The following PIBF1 variants were observed in gnomAD, a reference collection of about 807,000 sequenced individuals.
PIBF1 encodes progesterone immunomodulatory binding factor 1.
A neutral mutation model predicts 112.5 loss-of-function variants in PIBF1; 90 were observed. The ratio of observed to expected loss-of-function variants is 0.80; its 90% CI spans 0.67 to 0.95. PIBF1 has a LOEUF of 0.95. Among genes scored for constraint, PIBF1 ranks in the 40% least tolerant of loss-of-function variants. The pLI is 0.00. For synonymous variants in PIBF1, 301 were observed against 288.6 expected (o/e 1.04, Z -0.44); for missense variants, 915 against 852.3 (o/e 1.07, Z -0.92).
chr13:72,976,659 C>T (rs1163525434), intron 16 of PIBF1, among the ~76,000 whole-genome samples: 4 of 152,036 alleles, frequency 2.6e-5, no homozygotes, highest in African/African-American at 4.8e-5. Flanking sequence ...CCATTTACTA[C>T]CAACTTACAT....
chr13:72,972,271 G>A (rs1166653177), intron 15 of PIBF1, among the ~76,000 whole-genome samples: 3 of 151,908 alleles, frequency 2.0e-5, no homozygotes, highest in South Asian at 2.1e-4. Context: ...GGCTCATGCA[G>A]TTCTCCAACC....
chr13:72,928,019 A>G (rs2041574122), intron 13 of PIBF1, among the ~76,000 whole-genome samples: 1 of 61,574 alleles, frequency 1.6e-5, no homozygotes, highest in African/African-American at 7.1e-5. Context: ...ATATATACAT[A>G]TATATACATA....
chr13:72,833,414 C>G (rs529838897), intron 8 of PIBF1, among the ~76,000 whole-genome samples: 1 of 152,230 alleles, frequency 6.6e-6, no homozygotes, highest in East Asian at 1.9e-4. Context: ...ATTTATCTAC[C>G]TTTGGTCTTT....
intron 16 of PIBF1, among the ~76,000 whole-genome samples, chr13:72,997,567 C>G (rs942616288): frequency 1.3e-5 from 2 of 152,174 alleles, no homozygotes; most frequent in African/African-American, 4.8e-5. Flanking sequence ...AGCAACACTG[C>G]TTTAAAATAC....
At chr13:72,828,265 T>G (rs1489409899) in intron 8 of PIBF1, among the ~76,000 whole-genome samples, 1 of 150,796 alleles carries the variant, frequency 6.6e-6, no homozygotes, top group African/African-American at 2.5e-5. Flanking sequence ...GAGATATGTT[T>G]GCTTTTTTTT....
intron 10 of PIBF1, among the ~76,000 whole-genome samples, chr13:72,872,102 A>C (rs541652536): frequency 3.0e-4 from 45 of 152,280 alleles, no homozygotes; most frequent in Admixed American, 2.1e-3. Flanking sequence ...CTTAACCTCT[A>C]TGTCTCAGTT....
chr13:72,800,560 G>A (rs1474362620), intron 5 of PIBF1, among the ~76,000 whole-genome samples: 1 of 152,128 alleles, frequency 6.6e-6, no homozygotes, highest in Non-Finnish European at 1.5e-5. Context: ...GTAAAATAGG[G>A]ACGATAACAT....
At chr13:72,961,289 C>T (rs2042599359) in intron 14 of PIBF1, among the ~76,000 whole-genome samples, 1 of 152,082 alleles carries the variant, frequency 6.6e-6, no homozygotes, top group South Asian at 2.1e-4. Context: ...TCCCACCATG[C>T]TTTCCACTAT....
At chr13:72,973,386 GGAAAA>G in intron 15 of PIBF1, among the ~76,000 whole-genome samples, 200 bp from the exon 16 acceptor site, 1 of 151,862 alleles carries the variant, frequency 6.6e-6, no homozygotes, top group Middle Eastern at 3.4e-3. Flanking sequence ...AAAAAAGAAA[GGAAAA>G]GAAAAGAAAA....
At chr13:73,008,639 A>C (rs1273858928) in intron 17 of PIBF1, among the ~76,000 whole-genome samples, 1 of 152,180 alleles carries the variant, frequency 6.6e-6, no homozygotes, top group African/African-American at 2.4e-5. Flanking sequence ...AAACCGACAA[A>C]CAAAAAAATA....
chr13:72,804,827 G>A (rs2035644194), intron 5 of PIBF1, among the ~76,000 whole-genome samples: 1 of 152,182 alleles, frequency 6.6e-6, no homozygotes, highest in Non-Finnish European at 1.5e-5. Context: ...TCCAGTAAAA[G>A]TGTGTACACT....
chr13:73,005,919 CTTTT>C (rs34315714), intron 17 of PIBF1, among the ~76,000 whole-genome samples: 20 of 132,812 alleles, frequency 1.5e-4, no homozygotes, highest in Non-Finnish European at 2.2e-4. Context: ...TCTGGTTTCA[CTTTT>C]TTTTTTTTTT....
intron 10 of PIBF1, among the ~76,000 whole-genome samples, chr13:72,880,249 A>G (rs1361482509): frequency 6.6e-6 from 1 of 152,186 alleles, no homozygotes; most frequent in Admixed American, 6.5e-5. Context: ...TGGAAGAAAA[A>G]TCAAATTCTG....
In PIBF1 at chr13:72,922,529, G is replaced by C. The variant is rs116405239; in HGVS notation, c.1730+5363G>C. Among the ~76,000 whole-genome samples the C allele has an allele frequency of 2.9e-3, 440 of 152,272 alleles. 2 individuals are homozygous for C. Among genetic ancestry groups the C allele is most frequent in the African/African-American group, 0.01 (426 of 41,556 alleles). ...ACATGGTCTTTGTATATGCCTCTGT[G>C]TTTGTTTTGGCTAATCTGAATGTGG... On this transcript the variant is annotated intron_variant, in intron 13 of 17. Transcript: ENST00000326291.
intron 16 of PIBF1, chr13:72,974,250 G>A (rs1469469361): frequency 2.6e-5 from 4 of 152,114 alleles, no homozygotes; most frequent in African/African-American, 9.7e-5. Flanking sequence ...TTTTTTAGCA[G>A]ACATGTCTGT....
At chr13:72,990,666 G>A (rs1472565375) in intron 16 of PIBF1, among the ~76,000 whole-genome samples, 2 of 151,880 alleles carry the variant, frequency 1.3e-5, no homozygotes, top group Non-Finnish European at 2.9e-5. Flanking sequence ...TGGCCAACTT[G>A]GTGAAACCCC....
chr13:73,008,311 C>T (rs1443889502), intron 17 of PIBF1, among the ~76,000 whole-genome samples: 1 of 152,178 alleles, frequency 6.6e-6, no homozygotes, highest in Non-Finnish European at 1.5e-5. Context: ...CAGGCTGTTG[C>T]TTAGAATCAC....
intron 12 of PIBF1, among the ~76,000 whole-genome samples, chr13:72,913,925 A>T (rs2040990630): frequency 6.6e-6 from 1 of 152,230 alleles, no homozygotes; most frequent in Non-Finnish European, 1.5e-5. Flanking sequence ...ATTTACCTGT[A>T]CTAGAAGATC....
At chr13:72,847,315 C>G (rs2037920293) in intron 9 of PIBF1, among the ~76,000 whole-genome samples, 1 of 152,156 alleles carries the variant, frequency 6.6e-6, no homozygotes, top group Non-Finnish European at 1.5e-5. Flanking sequence ...AACAGGATAC[C>G]TGAGACTGGA....
Sources: allele counts gnomAD v4.1 joint callset (sites outside exome capture counted in the v4.1 genomes callset), GRCh38; gene constraint gnomAD v4.1.1; transcripts MANE v1.5; gene names NCBI Gene and HGNC (gene_info 2026-07-23, HGNC 2026-07-21).